Variants in TNPO1 observed in about 807,000 individuals in gnomAD.
TNPO1 encodes the protein transportin 1, also known as transportin-1.
TNPO1 carries 8 observed loss-of-function variants against 119.5 expected under a neutral mutation model. The ratio of observed to expected loss-of-function variants is 0.07; its 90% CI spans 0.04 to 0.12. The LOEUF (loss-of-function observed/expected upper bound fraction) is 0.12, where lower values mean the gene tolerates loss of function less well. Among genes scored for constraint, TNPO1 ranks in the 10% least tolerant of loss-of-function variants. The probability of loss-of-function intolerance (pLI) is 1.00; values close to 1 mark genes in which losing one functional copy is unlikely to be tolerated. For missense variants in TNPO1, 576 were observed against 1,089.8 expected, an observed-to-expected ratio of 0.53 and a Z score of 6.64; for synonymous variants, 362 against 363.0, an observed-to-expected ratio of 1.00 and a Z score of 0.03.
chr5:72,861,574 T>G (rs1746448774), intron 4 of TNPO1, among the ~76,000 whole-genome samples: 1 of 152,082 alleles, frequency 6.6e-6, no homozygotes, highest in Non-Finnish European at 1.5e-5. Context: ...GCTGATTTTC[T>G]TGTATTTTTA....
At chr5:72,832,490 G>A (rs1205303531) in intron 1 of TNPO1, among the ~76,000 whole-genome samples, 2 of 152,096 alleles carry the variant, frequency 1.3e-5, no homozygotes, top group African/African-American at 4.8e-5. Flanking sequence ...TTCATACAAA[G>A]CAGATATTCA....
chr5:72,879,841 A>C (rs892571824), intron 9 of TNPO1, among the ~76,000 whole-genome samples: 4 of 152,294 alleles, frequency 2.6e-5, no homozygotes, highest in African/African-American at 9.6e-5. Flanking sequence ...TTTGCATAGG[A>C]ATTAAAATTG....
At chr5:72,848,035 T>G (rs1377436349) in intron 1 of TNPO1, 1 of 1,030,544 alleles carries the variant, frequency 9.7e-7, no homozygotes. Context: ...GAATTAGAGA[T>G]GGGTTGGGTT....
rs777811047 is a variant in TNPO1 at position 72,868,458 on chromosome 5, A to ACAC, written c.596+2729_596+2730insCAC. Among the ~76,000 whole-genome samples the ACAC allele has an allele frequency of 7.9e-4, 90 of 113,410 alleles. 6 individuals are homozygous for ACAC. Among genetic ancestry groups the ACAC allele is most frequent in the Non-Finnish European group, 1.4e-3 (64 of 46,752 alleles). 74.4% of individuals were successfully genotyped at this position (113,410 alleles called of 152,430 possible). On this transcript the variant is annotated intron_variant, in intron 6 of 24. Coordinates refer to ENST00000337273, the MANE Select transcript of TNPO1 (RefSeq NM_002270.4). ...AAAAAAAAAAAAAAAAAAAAAAAAA[A>ACAC]ACACAAAATAATATATCAGGCATTT...
chr5:72,865,457 G>T (rs1746809956), intron 5 of TNPO1, 139 bp from the exon 6 acceptor site: 4 of 973,516 alleles, frequency 4.1e-6, no homozygotes, highest in Non-Finnish European at 5.9e-6. Flanking sequence ...AAAATTGAAG[G>T]ATTAAATTTA....
intron 9 of TNPO1, 49 bp from the exon 10 acceptor site, chr5:72,882,414 ATTAT>A: frequency 7.4e-7 from 1 of 1,357,218 alleles, no homozygotes; most frequent in Non-Finnish European, 1.0e-6. Context: ...AGACTTATTA[ATTAT>A]TCTCTTGAGA....
intron 10 of TNPO1, 45 bp downstream of exon 10, chr5:72,882,572 G>T: frequency 1.5e-6 from 2 of 1,377,800 alleles, no homozygotes; most frequent in South Asian, 2.5e-5. Flanking sequence ...TTTTTATATT[G>T]ACTTAGTACA....
At chr5:72,904,423 A>T (rs2112501546) in intron 23 of TNPO1, among the ~76,000 whole-genome samples, 1 of 152,254 alleles carries the variant, frequency 6.6e-6, no homozygotes, top group South Asian at 2.1e-4. Context: ...TAAACTTCTC[A>T]AAGCAGAGTT....
intron 1 of TNPO1, among the ~76,000 whole-genome samples, chr5:72,820,497 G>T (rs1743907296): frequency 6.6e-6 from 1 of 152,118 alleles, no homozygotes; most frequent in Admixed American, 6.5e-5. Flanking sequence ...TCATTTGTAG[G>T]CATTTAACAT....
chr5:72,866,559 G>T (rs1746920442), intron 6 of TNPO1, among the ~76,000 whole-genome samples: 1 of 152,048 alleles, frequency 6.6e-6, no homozygotes, highest in African/African-American at 2.4e-5. Flanking sequence ...TTCAAGACTA[G>T]CCTGGGCAAC....
At chr5:72,873,330 C>T (rs879695965) in intron 7 of TNPO1, among the ~76,000 whole-genome samples, 7 of 152,090 alleles carry the variant, frequency 4.6e-5, no homozygotes, top group Non-Finnish European at 1.0e-4. Flanking sequence ...TCCTTAAGCA[C>T]CTTCACTTTT....
intron 22 of TNPO1, among the ~76,000 whole-genome samples, chr5:72,901,913 C>T (rs749180444): frequency 3.3e-5 from 5 of 152,034 alleles, no homozygotes; most frequent in Non-Finnish European, 7.4e-5. Flanking sequence ...CCCATCTCTA[C>T]TTCAGATAAA....
chr5:72,850,837 T>G (rs1415394854), intron 2 of TNPO1, among the ~76,000 whole-genome samples: 1 of 152,226 alleles, frequency 6.6e-6, no homozygotes, highest in African/African-American at 2.4e-5. Context: ...AAAGTTAATT[T>G]CTCTAAATGA....
At chr5:72,896,962 G>A (rs958028938) in intron 19 of TNPO1, 94 bp from the exon 20 acceptor site, 2 of 580,564 alleles carry the variant, frequency 3.4e-6, no homozygotes, top group Non-Finnish European at 5.7e-6. Context: ...TATATGACAT[G>A]TCAGAGTTAA....
intron 15 of TNPO1, 52 bp from the exon 16 acceptor site, chr5:72,893,087 A>T: frequency 7.1e-7 from 1 of 1,400,846 alleles, no homozygotes. Flanking sequence ...AGCATTCATC[A>T]TAATCTTCAG....
intron 4 of TNPO1, 83 bp from the exon 5 acceptor site, chr5:72,861,725 T>C: frequency 1.0e-6 from 1 of 956,416 alleles, no homozygotes; most frequent in Non-Finnish European, 1.7e-6. Context: ...TTACATAAAA[T>C]GTGTTTGTGC....
chr5:72,903,391 A>G (rs937686485), intron 22 of TNPO1, among the ~76,000 whole-genome samples: 1 of 152,118 alleles, frequency 6.6e-6, no homozygotes, highest in Non-Finnish European at 1.5e-5. Flanking sequence ...ATGAAAGAGT[A>G]TTTTTATGGG....
At chr5:72,889,734 G>C in intron 13 of TNPO1, 52 bp from the exon 14 acceptor site, 1 of 1,518,946 alleles carries the variant, frequency 6.6e-7, no homozygotes, top group Non-Finnish European at 8.8e-7. Context: ...GCAATTAAGA[G>C]TTAGATATAT....
Position 72,913,401 on chromosome 5 carries a change from C to T in TNPO1, c.*4728C>T, listed in dbSNP as rs1371369156. 1.3e-5 allele frequency: 2 copies of T among 152,300 alleles called. No individual in the cohort carries two copies. Among genetic ancestry groups the T allele is most frequent in the Non-Finnish European group, 2.9e-5 (2 of 67,920 alleles). 9.4% of individuals were successfully genotyped at this position (152,300 alleles called of 1,614,324 possible). On this transcript the variant is annotated 3_prime_UTR_variant, in exon 25 of 25. Coordinates refer to ENST00000337273, the MANE Select transcript of TNPO1 (RefSeq NM_002270.4). ...TTTTAAGGTATACATTTAAATTACA[C>T]AATTGTTCATTGTGGTTTGTATCCC...
Sources: allele counts gnomAD v4.1 joint callset (sites outside exome capture counted in the v4.1 genomes callset), GRCh38; gene constraint gnomAD v4.1.1; transcripts MANE v1.5; gene names NCBI Gene and HGNC (gene_info 2026-07-23, HGNC 2026-07-21).